Variants in ATXN3 observed in about 807,000 individuals in gnomAD.
The protein encoded by ATXN3 is ataxin 3, also known as ataxin-3.
ATXN3 carries 28 observed loss-of-function variants against 58.2 expected under a neutral mutation model. The ratio of observed to expected loss-of-function variants is 0.48; its 90% CI spans 0.36 to 0.66. The LOEUF (loss-of-function observed/expected upper bound fraction) is 0.66, where lower values mean the gene tolerates loss of function less well. ATXN3 is among the 30% of genes least tolerant of loss of function. The pLI, the probability that ATXN3 is intolerant of heterozygous loss-of-function variation, is 0.00. For missense variants in ATXN3, 321 were observed against 422.1 expected (o/e 0.76, Z 2.10); for synonymous variants, 113 against 138.5 (o/e 0.82, Z 1.29).
chr14:92,106,492 C>T, intron 1 of ATXN3, 37 bp downstream of exon 1: 1 of 1,612,862 alleles, frequency 6.2e-7, no homozygotes, highest in Non-Finnish European at 8.5e-7. Context: ...CCCGCCACCG[C>T]GCGGCAGACA....
intron 10 of ATXN3, among the ~76,000 whole-genome samples, chr14:92,068,621 G>C (rs979236743): frequency 5.3e-5 from 8 of 151,110 alleles, no homozygotes; most frequent in African/African-American, 1.9e-4. Context: ...ACAGAGTTTT[G>C]CTCTTGTTGC....
intron 10 of ATXN3, among the ~76,000 whole-genome samples, chr14:92,070,293 T>G (rs1040528580): frequency 1.3e-5 from 2 of 152,200 alleles, no homozygotes; most frequent in African/African-American, 4.8e-5. Context: ...ATATTCATGA[T>G]TTCTGGCCGG....
rs960895221 is a variant in ATXN3 at position 92,059,403 on chromosome 14, A to G, written c.*4917T>C. ...AAATAAAAGAAAGTTTTTATTTTGA[A>G]TATGAAAAATAAAGTTATTTACATT... is the stretch of plus-strand genomic sequence containing the variant. On this transcript the variant is annotated 3_prime_UTR_variant, in exon 11 of 11. Coordinates refer to ENST00000644486, the MANE Select transcript of ATXN3 (RefSeq NM_004993.6). 9.2e-5 allele frequency: 14 copies of G among 152,244 alleles called. No individual in the cohort carries two copies. Among genetic ancestry groups the G allele is most frequent in the African/African-American group, 3.1e-4 (13 of 41,464 alleles). The allele number at this position is 152,244 out of a possible 1,614,324, so 9.4% of individuals were successfully genotyped here.
chr14:92,060,541 G>A lies in ATXN3; in HGVS notation c.*3779C>T, dbSNP rs2057705261. On this transcript the variant is annotated 3_prime_UTR_variant, in exon 11 of 11. Transcript: ENST00000644486. ...CCAGAACTGCTGGGATTACAGGCGT[G>A]AGCCACTGCACCCAGCCGGGAGATC... 6.6e-6 allele frequency: 1 copy of A among 152,040 alleles called. No homozygotes were observed. The highest frequency in any genetic ancestry group is 2.4e-5 in the African/African-American group (1 of 41,404). The allele number at this position is 152,040 out of a possible 1,614,324, so 9.4% of individuals were successfully genotyped here.
chr14:92,097,528 CTTT>C (rs754237486), intron 1 of ATXN3, among the ~76,000 whole-genome samples: 1 of 138,158 alleles, frequency 7.2e-6, no homozygotes, highest in Non-Finnish European at 1.6e-5. Flanking sequence ...ACCTGGCCAA[CTTT>C]TTTTTTTTTT....
intron 9 of ATXN3, among the ~76,000 whole-genome samples, chr14:92,079,017 G>C (rs2060946965): frequency 6.6e-6 from 1 of 151,816 alleles, no homozygotes; most frequent in Non-Finnish European, 1.5e-5. Flanking sequence ...GAAATCCCGT[G>C]TCTACTAAAA....
At position 92,049,098 on chromosome 14, in the gene ATXN3, C is replaced by T. The variant is rs142752140; in HGVS notation, n.184+505G>A. On this transcript the variant is annotated intron_variant and non_coding_transcript_variant, in intron 1 of 2. Coordinates refer to the ATXN3 transcript ENST00000564606. Reference sequence around the variant, plus strand: ...CTGTTGAGTTTGTATTGGGGCCAAGCGGTATTGCAGAAGAAAATAAGGCTT... The same window carrying T: ...CTGTTGAGTTTGTATTGGGGCCAAGTGGTATTGCAGAAGAAAATAAGGCTT... 5.9e-5 allele frequency among the ~76,000 whole-genome samples: 9 copies of T among 152,146 alleles called. 1 individual carries two copies. In the East Asian group the frequency reaches 7.7e-4, roughly 13 times the overall value.
At chr14:92,045,933 G>T (rs1458269366) in intron 2 of ATXN3, among the ~76,000 whole-genome samples, 1 of 152,194 alleles carries the variant, frequency 6.6e-6, no homozygotes, top group African/African-American at 2.4e-5. Context: ...CATAAGCATT[G>T]CCCTGAGCGA....
At chr14:92,103,567 A>C (rs911936228) in intron 1 of ATXN3, among the ~76,000 whole-genome samples, 1 of 152,068 alleles carries the variant, frequency 6.6e-6, no homozygotes, top group Non-Finnish European at 1.5e-5. Flanking sequence ...TCCCAAGTCT[A>C]CAGGCATGTG....
chr14:92,088,713 G>A lies in ATXN3; in HGVS notation c.475+17C>T. ...ACTTCGAAAGGTAACATTACAAAATGTTCAGCCGTTACTTACCTTCCTGTT... is the reference window on the plus strand; with the variant it reads ...ACTTCGAAAGGTAACATTACAAAATATTCAGCCGTTACTTACCTTCCTGTT... On this transcript the variant is annotated intron_variant, in intron 6 of 10. Transcript: ENST00000644486. 6.6e-7 allele frequency: 1 copy of A among 1,524,016 alleles called. No homozygotes were observed. The highest frequency in any genetic ancestry group is 9.1e-7 in the Non-Finnish European group (1 of 1,101,190). The allele number at this position is 1,524,016 out of a possible 1,614,324, so 94.4% of individuals were successfully genotyped here. A position where few individuals can be genotyped will look rare whatever the true frequency, so the allele number is the denominator to read the frequency against.
At chr14:92,052,133 C>G (rs1383318401), upstream of ATXN3, among the ~76,000 whole-genome samples, 2 of 152,070 alleles carry the variant, frequency 1.3e-5, no homozygotes, top group Non-Finnish European at 2.9e-5. Context: ...CTTTAACACT[C>G]AGTATTCAGC....
At chr14:92,071,656 G>A in intron 9 of ATXN3, 1 of 249,266 alleles carries the variant, frequency 4.0e-6, no homozygotes, top group South Asian at 4.6e-5. Context: ...TTATTCTTAT[G>A]CAAATGAGTG....
intron 2 of ATXN3, 43 bp downstream of exon 2, chr14:92,096,631 A>AG: frequency 6.4e-7 from 1 of 1,566,246 alleles, no homozygotes; most frequent in East Asian, 2.2e-5. Context: ...CTCAAAAAAA[A>AG]AAAAAAAAAA....
At chr14:92,066,357 CA>C (rs2058398622) in intron 10 of ATXN3, among the ~76,000 whole-genome samples, 1 of 152,138 alleles carries the variant, frequency 6.6e-6, no homozygotes, top group Non-Finnish European at 1.5e-5. Flanking sequence ...AACCATCATA[CA>C]ATTTAGAAAA....
In ATXN3 at chr14:92,060,367, G is replaced by T. The variant is rs1179978639; in HGVS notation, c.*3953C>A. 1.3e-5 allele frequency: 2 copies of T among 150,684 alleles called. No homozygotes were observed. The highest frequency in any genetic ancestry group is 2.4e-5 in the African/African-American group (1 of 40,948). The allele number at this position is 150,684 out of a possible 1,614,324, so 9.3% of individuals were successfully genotyped here. On this transcript the variant is annotated 3_prime_UTR_variant, in exon 11 of 11. Transcript: ENST00000644486. ...TGCAACCTCTGCCTCCTAGGCTCATGCGATTCTTAGCCTCCTGAGTAGCTG... is the reference window on the plus strand; with the variant it reads ...TGCAACCTCTGCCTCCTAGGCTCATTCGATTCTTAGCCTCCTGAGTAGCTG...
rs751203850 is a variant in ATXN3, at chr14:92,064,361, C to G, written c.1045G>C (p.Glu349Gln). The stretch of plus-strand genomic sequence containing the variant: ...GTTTTCAAATCATTTCTGACAGTTT[C>G]TAAAGACATGGTCACAGCTGCCTGA... ...MLQAAVTMSL[E>Q]TVRNDLKTEG... The change falls in exon 11 of 11, where the codon GAA becomes CAA. Residue 349 changes from glutamate (E) to glutamine (Q), a missense_variant. By Grantham distance (29) the Glu-to-Gln change is conservative. Coordinates refer to ENST00000644486, the MANE Select transcript of ATXN3 (RefSeq NM_004993.6). 1.9e-6 allele frequency: 3 copies of G among 1,612,894 alleles called. No homozygotes were observed. Among genetic ancestry groups the G allele is most frequent in the Non-Finnish European group, 2.5e-6 (3 of 1,179,332 alleles).
At chr14:92,050,348 A>G (rs894861964), upstream of ATXN3, 18 of 152,242 alleles carry the variant, frequency 1.2e-4, no homozygotes, top group African/African-American at 4.1e-4. Flanking sequence ...TACAAGTTTG[A>G]TAGCATTTGA....
chr14:92,080,134 C>G (rs2061197519), intron 9 of ATXN3, among the ~76,000 whole-genome samples: 1 of 152,092 alleles, frequency 6.6e-6, no homozygotes, highest in Non-Finnish European at 1.5e-5. Flanking sequence ...TCCTATTTAG[C>G]AAGCACTTAC....
chr14:92,095,368 C>T (rs8006829), intron 3 of ATXN3, among the ~76,000 whole-genome samples: 42,810 of 151,592 alleles, frequency 0.28, 6,385 homozygotes, highest in East Asian at 0.44. Flanking sequence ...CTCAGCCTCC[C>T]GAGTAGCTGG....
Sources: gnomAD v4.1 joint callset for allele counts (sites outside exome capture counted in the v4.1 genomes callset) on GRCh38, gnomAD v4.1.1 for gene constraint, MANE v1.5 for transcripts, NCBI Gene and HGNC (gene_info 2026-07-23, HGNC 2026-07-21) for gene names.